Variants in TAF4B observed in about 807,000 individuals in gnomAD.
TAF4B encodes TATA-box binding protein associated factor 4b.
Under a neutral mutation model 86.4 loss-of-function variants are expected in TAF4B, and 38 were observed. The ratio of observed to expected loss-of-function variants is 0.44; its 90% confidence interval spans 0.34 to 0.58. The LOEUF is 0.58. Ranked by LOEUF, TAF4B falls within the 20% of genes least tolerant of loss-of-function variation. TAF4B has a pLI of 0.02. For missense variants in TAF4B, 988 were observed against 1,027.6 expected (o/e 0.96, Z 0.53); for synonymous variants, 388 against 391.2 (o/e 0.99, Z 0.10).
intron 7 of TAF4B, among the ~76,000 whole-genome samples, chr18:26,288,897 C>T (rs1324620289): frequency 1.3e-5 from 2 of 151,978 alleles, no homozygotes; most frequent in Non-Finnish European, 2.9e-5. Context: ...TTTTTTACTT[C>T]CTACCTTCAT....
At chr18:26,251,317 T>TA (rs1204597759) in intron 1 of TAF4B, among the ~76,000 whole-genome samples, 1 of 152,152 alleles carries the variant, frequency 6.6e-6, no homozygotes, top group Non-Finnish European at 1.5e-5. Flanking sequence ...GTATATGTAT[T>TA]AAATTGTAAT....
chr18:26,276,898 G>A (rs993099283), intron 5 of TAF4B, among the ~76,000 whole-genome samples: 2 of 152,080 alleles, frequency 1.3e-5, no homozygotes, highest in African/African-American at 4.8e-5. Flanking sequence ...TGGACAGATA[G>A]AAACAGTTAG....
chr18:26,274,595 G>A, intron 3 of TAF4B, 68 bp from the exon 4 acceptor site: 1 of 1,562,354 alleles, frequency 6.4e-7, no homozygotes, highest in Middle Eastern at 1.7e-4. Context: ...TCTGATGAGT[G>A]TGAAATGAGG....
Position 26,286,442 on chromosome 18 carries a change from G to A in TAF4B, c.1533G>A (p.Pro511=), listed in dbSNP as rs772949970. The A allele has an allele frequency of 6.2e-6, 10 of 1,614,100 alleles. No homozygotes were observed. The East Asian group carries it at 6.7e-5, about 11-fold the overall frequency. ...GTPVQIKLAQ[P]GPVLSQPAGI... ...CAGTTCAAATCAAACTTGCCCAGCC[G>A]GGCCCTGTCCTTTCACAACCAGCTG... Residue 511 remains proline (P), a synonymous_variant, in exon 7 of 15, where the codon CCG becomes CCA. Transcript: ENST00000269142.
intron 9 of TAF4B, chr18:26,295,062 C>CTTAAATATATATAATATATATA (rs2056644963): frequency 2.0e-5 from 3 of 153,364 alleles, no homozygotes; most frequent in East Asian, 1.8e-4. Flanking sequence ...ACATTTGGAT[C>CTTAAATATATATAATATATATA]TTAAATATAT....
At chr18:26,289,246 C>G (rs2056563461) in intron 7 of TAF4B, among the ~76,000 whole-genome samples, 1 of 152,124 alleles carries the variant, frequency 6.6e-6, no homozygotes. Flanking sequence ...AATCCTAGTT[C>G]TAAGTGAGGA....
chr18:26,237,915 C>T (rs900343085), intron 1 of TAF4B, among the ~76,000 whole-genome samples: 1 of 152,188 alleles, frequency 6.6e-6, no homozygotes, highest in Admixed American at 6.5e-5. Context: ...GATGCCTGAG[C>T]GTTTCCCATC....
At chr18:26,385,507 A>C (rs1978324487) in intron 14 of TAF4B, among the ~76,000 whole-genome samples, 1 of 152,020 alleles carries the variant, frequency 6.6e-6, no homozygotes, top group South Asian at 2.1e-4. Flanking sequence ...AGGTTTGAGT[A>C]GGCTTCCTAG....
chr18:26,297,427 C>G lies in TAF4B; in HGVS notation c.1832+3896C>G, dbSNP rs144550425. ...CTCAGCAGTTATAGATTAAACTGGT[C>G]TCAGGTTACAACAGGCAGTTTCAGC... On this transcript the variant is annotated intron_variant, in intron 9 of 14. Transcript: ENST00000269142. 2.0e-3 allele frequency among the ~76,000 whole-genome samples: 298 copies of G among 152,292 alleles called. 1 individual carries two copies. The highest frequency in any genetic ancestry group is 7.0e-3 in the African/African-American group (291 of 41,564).
intron 14 of TAF4B, among the ~76,000 whole-genome samples, chr18:26,368,655 C>T (rs1265641718): frequency 6.6e-6 from 1 of 151,820 alleles, no homozygotes; most frequent in Non-Finnish European, 1.5e-5. Flanking sequence ...TGTATAGATT[C>T]AGTAGAATTT....
rs1555668688 is a variant in TAF4B at position 26,226,480 on chromosome 18, CGGGGCCGTGCCAATCGCGCGTAG to C, written c.-448_-426del. 1 of 152,920 alleles carries C rather than the reference CGGGGCCGTGCCAATCGCGCGTAG, an allele frequency of 6.5e-6. No homozygotes were observed. Among genetic ancestry groups the C allele is most frequent in the Non-Finnish European group, 1.5e-5 (1 of 68,618 alleles). The allele number at this position is 152,920 out of a possible 1,614,324, so 9.5% of individuals were successfully genotyped here. A position where few individuals can be genotyped will look rare whatever the true frequency, so the allele number is the denominator to read the frequency against. ...AAACATGGCTGGCGTGGCCGCGCGG[CGGGGCCGTGCCAATCGCGCGTAG>C]GGGGCTGTGGGCACTCGGGGTTCGT... On this transcript the variant is annotated 5_prime_UTR_variant, in exon 1 of 15. It removes the in-frame stop codon of an upstream open reading frame in the 5' UTR. Transcript: ENST00000269142.
chr18:26,351,870 A>G (rs765954832), intron 13 of TAF4B, among the ~76,000 whole-genome samples: 6 of 152,156 alleles, frequency 3.9e-5, no homozygotes, highest in African/African-American at 7.2e-5. Context: ...TATGTGTAAT[A>G]TATAAGACAA....
At chr18:26,286,614 C>A in intron 7 of TAF4B, 115 bp downstream of exon 7, 6 of 1,124,448 alleles carry the variant, frequency 5.3e-6, no homozygotes, top group African/African-American at 2.4e-5. Context: ...CGGGTTTGAC[C>A]AATTAATTTT....
intron 9 of TAF4B, among the ~76,000 whole-genome samples, chr18:26,314,161 A>G (rs751999729): frequency 4.6e-5 from 7 of 152,176 alleles, no homozygotes; most frequent in African/African-American, 7.2e-5. Context: ...CCTATTGACA[A>G]AAGACCATAT....
intron 9 of TAF4B, among the ~76,000 whole-genome samples, chr18:26,299,857 G>A (rs1297069056): frequency 2.0e-5 from 3 of 152,028 alleles, no homozygotes; most frequent in Admixed American, 6.6e-5. Flanking sequence ...ATGCTTTAAT[G>A]GTAGTATAGT....
intron 13 of TAF4B, among the ~76,000 whole-genome samples, chr18:26,341,324 A>G (rs1049984094): frequency 6.6e-6 from 1 of 152,144 alleles, no homozygotes; most frequent in African/African-American, 2.4e-5. Context: ...AACATTTAAG[A>G]TAGATGTCAT....
intron 1 of TAF4B, among the ~76,000 whole-genome samples, chr18:26,242,476 G>A (rs2055854863): frequency 6.6e-6 from 1 of 152,058 alleles, no homozygotes; most frequent in African/African-American, 2.4e-5. Context: ...GCCTATGTGT[G>A]TCTCTGCACG....
rs1357709471 is a variant in TAF4B, at chr18:26,280,649, A to AG, written c.883-1322_883-1321insG. Among the ~76,000 whole-genome samples the AG allele has an allele frequency of 7.2e-5, 11 of 152,278 alleles. No individual in the cohort carries two copies. The South Asian group carries it at 8.3e-4, about 11-fold the overall frequency. On this transcript the variant is annotated intron_variant, in intron 5 of 14. Coordinates refer to ENST00000269142, the MANE Select transcript of TAF4B (RefSeq NM_005640.3). ...ATGTCTGTTACTAAGAAGTCAAAAA[A>AG]CAGATGCTGGTGGGGCTGCAAAGAG...
intron 14 of TAF4B, among the ~76,000 whole-genome samples, chr18:26,368,143 ATT>A (rs932841638): frequency 1.0e-3 from 157 of 152,304 alleles, no homozygotes; most frequent in African/African-American, 3.8e-3. Context: ...TATTAAAATC[ATT>A]TAGGGATAGT....
Sources: allele counts gnomAD v4.1 joint callset (sites outside exome capture counted in the v4.1 genomes callset), GRCh38; gene constraint gnomAD v4.1.1; transcripts MANE v1.5; gene names NCBI Gene and HGNC (gene_info 2026-07-23, HGNC 2026-07-21).